Variants in DPY19L2 observed in about 807,000 individuals in gnomAD.
DPY19L2 encodes the protein dpy-19 like 2.
In DPY19L2, 34 loss-of-function variants were observed where a neutral mutation model predicts 97.9. The observed-to-expected ratio is 0.35, with a 90% CI of 0.26 to 0.46. The LOEUF is 0.46. DPY19L2 is among the 20% of genes least tolerant of loss of function. The pLI is 1.00. For synonymous variants in DPY19L2, 230 were observed against 307.9 expected (o/e 0.75, Z 2.65); for missense variants, 623 against 911.4 (o/e 0.68, Z 4.07).
rs574542968 is a variant in DPY19L2 at position 63,665,522 on chromosome 12, T to G, written c.362+313A>C. Among the ~76,000 whole-genome samples, 15 of 149,076 alleles carry G rather than the reference T, an allele frequency of 1.0e-4. No homozygotes were observed. The South Asian group carries it at 1.7e-3, about 17-fold the overall frequency. ...CTAGCAACATATAATTACCATAAAA[T>G]AAAGGAAGGTTTTAAATGAACTACA... On this transcript the variant is annotated intron_variant, in intron 2 of 21. Coordinates refer to ENST00000324472, the MANE Select transcript of DPY19L2 (RefSeq NM_173812.5).
intron 6 of DPY19L2, among the ~76,000 whole-genome samples, chr12:63,634,647 C>T (rs1004347216): frequency 6.6e-6 from 1 of 151,908 alleles, no homozygotes; most frequent in Non-Finnish European, 1.5e-5. Flanking sequence ...CCGCACATGG[C>T]TCAGAAGGTC....
intron 6 of DPY19L2, among the ~76,000 whole-genome samples, chr12:63,628,497 A>G (rs1889977470): frequency 6.6e-6 from 1 of 152,160 alleles, no homozygotes; most frequent in Non-Finnish European, 1.5e-5. Flanking sequence ...ATCCAACTGC[A>G]AGGCGGCAGC....
chr12:63,563,839 T>C lies in DPY19L2; in HGVS notation c.2127-3177A>G, dbSNP rs964960227. 4.7e-4 allele frequency among the ~76,000 whole-genome samples: 72 copies of C among 152,194 alleles called. 1 individual carries two copies. The highest frequency in any genetic ancestry group is 9.1e-4 in the Non-Finnish European group (62 of 68,032). On this transcript the variant is annotated intron_variant, in intron 21 of 21. Coordinates refer to ENST00000324472, the MANE Select transcript of DPY19L2 (RefSeq NM_173812.5). ...GAATAGTTTGTAGAATTGGAATTATTTCCAGTGAAGATATCTGTCTTGAAG... is the reference window on the plus strand; with the variant it reads ...GAATAGTTTGTAGAATTGGAATTATCTCCAGTGAAGATATCTGTCTTGAAG...
Position 63,600,309 on chromosome 12 carries a change from G to A in DPY19L2, c.1356C>T (p.Asp452=). 1 of 1,605,568 alleles carries A rather than the reference G, an allele frequency of 6.2e-7. No individual in the cohort carries two copies. The highest frequency in any genetic ancestry group is 2.2e-5 in the East Asian group (1 of 44,708). ...GTTTTAACTAAAAAGTACTTACGTGGTCTGAAACGCCTAAGATTTTAGATG... is the reference window on the plus strand; with the variant it reads ...GTTTTAACTAAAAAGTACTTACGTGATCTGAAACGCCTAAGATTTTAGATG... ...FLTSKILGVS[D]HIRLSDLIAA... is the part of the protein sequence containing the mutation. Residue 452 remains aspartate, a synonymous_variant, in exon 13 of 22, where the codon GAC becomes GAT. Transcript: ENST00000324472.
chr12:63,634,635 T>C (rs946733194), intron 6 of DPY19L2, among the ~76,000 whole-genome samples: 3 of 151,824 alleles, frequency 2.0e-5, no homozygotes, highest in Non-Finnish European at 4.4e-5. Context: ...GGAGATTACA[T>C]CCCGCACATG....
intron 6 of DPY19L2, among the ~76,000 whole-genome samples, chr12:63,630,267 C>A (rs1484133200): frequency 1.3e-5 from 2 of 152,122 alleles, no homozygotes; most frequent in Non-Finnish European, 2.9e-5. Context: ...AAGACACAGA[C>A]TGGCAAATTG....
chr12:63,586,245 T>G (rs1315010979), intron 16 of DPY19L2, among the ~76,000 whole-genome samples: 1 of 152,036 alleles, frequency 6.6e-6, no homozygotes, highest in Non-Finnish European at 1.5e-5. Flanking sequence ...TATTAACCAA[T>G]CTATCAATCA....
chr12:63,560,916 T>C (rs1397772282), intron 21 of DPY19L2, among the ~76,000 whole-genome samples: 1 of 152,208 alleles, frequency 6.6e-6, no homozygotes, highest in Non-Finnish European at 1.5e-5. Flanking sequence ...CATTCATAAA[T>C]ATATATGTAA....
At chr12:63,573,534 G>T (rs1232882930) in intron 19 of DPY19L2, among the ~76,000 whole-genome samples, 1 of 152,048 alleles carries the variant, frequency 6.6e-6, no homozygotes, top group Non-Finnish European at 1.5e-5. Flanking sequence ...TTATTCAAAA[G>T]TGTAACAGAG....
In DPY19L2 at chr12:63,580,659, C is replaced by T. The variant is rs61935050; in HGVS notation, c.1900+3G>A. 0.17 allele frequency: 264,996 copies of T among 1,604,860 alleles called. 24,205 individuals are homozygous for T. The highest frequency in any genetic ancestry group is 0.22 in the Middle Eastern group (1,335 of 5,994). On this transcript the variant is annotated splice_donor_region_variant and intron_variant, in intron 19 of 21. Coordinates refer to ENST00000324472, the MANE Select transcript of DPY19L2 (RefSeq NM_173812.5). Reference sequence around the variant, plus strand: ...ACTAGCATATAACCAAATACCTACACACCTGATGTGGTACTGTATTTGATC... The same window carrying T: ...ACTAGCATATAACCAAATACCTACATACCTGATGTGGTACTGTATTTGATC...
chr12:63,565,244 A>C (rs1352986243), intron 21 of DPY19L2, among the ~76,000 whole-genome samples: 2 of 152,192 alleles, frequency 1.3e-5, no homozygotes, highest in Non-Finnish European at 2.9e-5. Context: ...AAATTACCAC[A>C]AACAGTTGCT....
rs138335719 is a variant in DPY19L2 at position 63,594,772 on chromosome 12, T to C, written c.1534-639A>G. On this transcript the variant is annotated intron_variant, in intron 15 of 21. Transcript: ENST00000324472. ...TCTTGGATCTTAATTTTTTAAAATA[T>C]AGCAGTTGCGGATCTAGCTATCAGT... 7.9e-5 allele frequency among the ~76,000 whole-genome samples: 12 copies of C among 152,220 alleles called. No individual in the cohort carries two copies. In the East Asian group the frequency reaches 1.7e-3, roughly 22 times the overall value.
At chr12:63,641,384 A>G (rs1892676441) in intron 6 of DPY19L2, among the ~76,000 whole-genome samples, 1 of 152,112 alleles carries the variant, frequency 6.6e-6, no homozygotes, top group African/African-American at 2.4e-5. Flanking sequence ...TGTAGTCGCC[A>G]TATAATTAAC....
chr12:63,611,807 T>C (rs974530541), intron 11 of DPY19L2, among the ~76,000 whole-genome samples: 24 of 152,046 alleles, frequency 1.6e-4, no homozygotes, highest in Non-Finnish European at 2.6e-4. Context: ...CATATGCATG[T>C]AGTGAGAGTC....
At chr12:63,568,045 T>A (rs1878089456) in intron 21 of DPY19L2, among the ~76,000 whole-genome samples, 1 of 152,040 alleles carries the variant, frequency 6.6e-6, no homozygotes, top group African/African-American at 2.4e-5. Context: ...TGAGAAATTT[T>A]TGGCCAACAT....
intron 3 of DPY19L2, 138 bp downstream of exon 3, chr12:63,663,620 T>C: frequency 1.4e-6 from 1 of 691,992 alleles, no homozygotes; most frequent in Non-Finnish European, 2.4e-6. Flanking sequence ...CACTTTACTA[T>C]TTAAATAATA....
intron 14 of DPY19L2, 125 bp from the exon 15 acceptor site, chr12:63,596,162 T>G: frequency 1.7e-6 from 1 of 574,970 alleles, no homozygotes; most frequent in Middle Eastern, 4.9e-4. Context: ...TTCTTTGTCA[T>G]CAGCAGAATA....
In DPY19L2 at chr12:63,661,394, C is replaced by T; in HGVS notation, c.538G>A (p.Glu180Lys). 1 of 1,602,620 alleles carries T rather than the reference C, an allele frequency of 6.2e-7. No homozygotes were observed. Among genetic ancestry groups the T allele is most frequent in the Non-Finnish European group, 8.5e-7 (1 of 1,176,736 alleles). ...ATTGCATTAATTATAAGAGGATATTCAGTAAGCCTGTCATTCATAATCATC... is the reference window on the plus strand; with the variant it reads ...ATTGCATTAATTATAAGAGGATATTTAGTAAGCCTGTCATTCATAATCATC... The part of the protein sequence containing the change: ...LWMIMNDRLT[E>K]YPLIINAIKR... Residue 180 changes from glutamate to lysine, a missense_variant, in exon 4 of 22, where the codon GAA (glutamate) becomes AAA (lysine). Glu to Lys is a moderately conservative substitution (Grantham distance 56, BLOSUM62 1). Around this residue, in one of 6 missense-constraint regions of DPY19L2, gnomAD observed 84 missense variants for 125.4 expected, o/e 0.67. Coordinates refer to ENST00000324472, the MANE Select transcript of DPY19L2 (RefSeq NM_173812.5).
chr12:63,603,628 T>G (rs1252212151), intron 12 of DPY19L2, among the ~76,000 whole-genome samples: 1 of 152,170 alleles, frequency 6.6e-6, no homozygotes, highest in Non-Finnish European at 1.5e-5. Context: ...AGTGTTTGGT[T>G]TTCTGTTCCT....
Sources: gnomAD v4.1 joint callset for allele counts (sites outside exome capture counted in the v4.1 genomes callset) on GRCh38, gnomAD v4.1.1 for gene constraint, gnomAD v4.1.1 regional missense constraint, MANE v1.5 for transcripts, NCBI Gene and HGNC (gene_info 2026-07-23, HGNC 2026-07-21) for gene names.